The following GTPBP6 variants were observed in gnomAD, a reference collection of about 807,000 sequenced individuals.
GTPBP6 encodes the protein putative GTP-binding protein 6.
Under a neutral mutation model 28.9 loss-of-function variants are expected in GTPBP6, and 33 were observed. The ratio of observed to expected loss-of-function variants is 1.14; its 90% CI spans 0.87 to 1.53. GTPBP6 has a LOEUF of 1.53. Ranked by LOEUF, GTPBP6 falls within the 40% of genes most tolerant of loss-of-function variation. The probability of loss-of-function intolerance (pLI) is 0.00; values close to 1 mark genes in which losing one functional copy is unlikely to be tolerated. For missense variants in GTPBP6, 507 were observed against 408.3 expected (o/e 1.24, Z -2.08); for synonymous variants, 231 against 192.7 (o/e 1.20, Z -1.65).
intron 1 of GTPBP6, 121 bp downstream of exon 1, chrX:318,318 C>A: frequency 2.5e-6 from 1 of 396,974 alleles, no homozygotes; most frequent in Non-Finnish European, 4.4e-6. Context: ...GAATCTCCAC[C>A]TATGAGATCG....
chrX:314,107 C>T (rs1310972068), intron 5 of GTPBP6, 43 bp downstream of exon 5: 1 of 1,492,216 alleles, frequency 6.7e-7, no homozygotes, highest in South Asian at 1.1e-5. Context: ...CTGACAACCG[C>T]ATTCCGAGGA....
exon 10 of GTPBP6, chrX:305,144 C>G (rs1300289553): frequency 1.2e-6 from 2 of 1,613,566 alleles, no homozygotes; most frequent in Non-Finnish European, 1.7e-6. Flanking sequence ...GTCGGCCGCC[C>G]CGTCCTCAGG....
intron 2 of GTPBP6, among the ~76,000 whole-genome samples, chrX:316,340 G>GACACACACACACACACACACAC (rs1168593634): frequency 1.1e-5 from 1 of 94,810 alleles, no homozygotes; most frequent in African/African-American, 4.2e-5. Flanking sequence ...TCCCATTGGG[G>GACACACACACACACACACACAC]ACACACACAC....
intron 7 of GTPBP6, among the ~76,000 whole-genome samples, chrX:308,787 T>C (rs892018259): frequency 1.4e-5 from 2 of 143,736 alleles, no homozygotes; most frequent in Non-Finnish European, 3.0e-5. Flanking sequence ...CAGGCTGGAG[T>C]GCAGTGGCGC....
exon 10 of GTPBP6, chrX:305,182 C>T (rs780682244): frequency 1.2e-6 from 2 of 1,613,598 alleles, no homozygotes; most frequent in Non-Finnish European, 1.7e-6. Flanking sequence ...GAACTGTGGC[C>T]TCCTTATACA....
intron 7 of GTPBP6, among the ~76,000 whole-genome samples, chrX:309,457 T>C (rs1020415995): frequency 7.2e-5 from 10 of 139,640 alleles, no homozygotes; most frequent in African/African-American, 2.6e-4. Context: ...CCGACCGGTA[T>C]GTTTACGACA....
chrX:305,741 T>C (rs1200861637), intron 9 of GTPBP6, among the ~76,000 whole-genome samples: 11 of 134,412 alleles, frequency 8.2e-5, no homozygotes, highest in South Asian at 2.4e-4. Context: ...TCTCCGGCCT[T>C]AGCCTCCCGA....
rs370952393 is a variant in GTPBP6 at position 307,354 on chromosome X, G to A, written c.1427+6C>T. 2.5e-6 allele frequency: 4 copies of A among 1,611,122 alleles called. No homozygotes were observed. Among genetic ancestry groups the A allele is most frequent in the East Asian group, 4.5e-5 (2 of 44,866 alleles). On this transcript the variant is annotated splice_donor_region_variant and intron_variant, in intron 9 of 9. Coordinates refer to ENST00000326153, the Ensembl canonical transcript of GTPBP6. ...ATCCCGTCTCCTGCCCCTGCAGGCC[G>A]CTCACCTGAGCTGCGCCCCTGCGAG...
At chrX:316,582 CAGG>C (rs2070444780) in intron 2 of GTPBP6, among the ~76,000 whole-genome samples, 1 of 152,146 alleles carries the variant, frequency 6.6e-6, no homozygotes, top group African/African-American at 2.4e-5. Context: ...GGGGGTCACC[CAGG>C]AGGAGGATTT....
At chrX:311,528 A>C in exon 7 of GTPBP6, 1 of 1,612,214 alleles carries the variant, frequency 6.2e-7, no homozygotes, top group Non-Finnish European at 8.5e-7. Context: ...GCGTGAGGGC[A>C]GCGTGCCCGC....
At chrX:307,535 G>A (rs1569347069) in intron 8 of GTPBP6, 23 bp from the exon 9 acceptor site, 1 of 1,608,210 alleles carries the variant, frequency 6.2e-7, no homozygotes, top group East Asian at 2.2e-5. Flanking sequence ...GGATGTCACA[G>A]GCCCCGCTCA....
At chrX:306,873 G>GCA (rs113194536) in intron 9 of GTPBP6, among the ~76,000 whole-genome samples, 7,448 of 62,352 alleles carry the variant, frequency 0.12, 713 homozygotes, top group South Asian at 0.24. Context: ...CCTGTTGTAT[G>GCA]CAGTCAGAAA....
intron 7 of GTPBP6, among the ~76,000 whole-genome samples, chrX:309,798 TG>T (rs1338440122): frequency 7.2e-6 from 1 of 137,958 alleles, no homozygotes; most frequent in Non-Finnish European, 1.5e-5. Context: ...GTCCATGTAT[TG>T]ATCATCTGGA....
intron 7 of GTPBP6, among the ~76,000 whole-genome samples, 179 bp downstream of exon 7, chrX:311,240 T>A (rs28735494): frequency 7.4e-6 from 1 of 135,708 alleles, no homozygotes; most frequent in Non-Finnish European, 1.5e-5. Context: ...GAGTGCCTGG[T>A]CCCCGTGCCC....
rs181987526 is a variant in GTPBP6, at chrX:305,828, G to C, written c.1428-631C>G. Among the ~76,000 whole-genome samples the C allele has an allele frequency of 5.8e-3, 879 of 152,036 alleles. 2 individuals are homozygous for C. The highest frequency in any genetic ancestry group is 8.3e-3 in the Non-Finnish European group (567 of 67,992). ...TTTATTAGAGACGGGGTTTCACCGTGTTAGCCAGGCTGGTCTCGATCTCCT... is the reference window on the plus strand; with the variant it reads ...TTTATTAGAGACGGGGTTTCACCGTCTTAGCCAGGCTGGTCTCGATCTCCT... On this transcript the variant is annotated intron_variant, in intron 9 of 9. Coordinates refer to ENST00000326153, the Ensembl canonical transcript of GTPBP6.
intron 5 of GTPBP6, 79 bp from the exon 6 acceptor site, chrX:313,003 C>A: frequency 1.6e-6 from 2 of 1,288,802 alleles, no homozygotes; most frequent in Non-Finnish European, 1.1e-6. Flanking sequence ...GGAGGGTCTG[C>A]GGGGGCCCGG....
At chrX:305,094 G>A (rs770155654) in exon 10 of GTPBP6, 8 of 1,613,206 alleles carry the variant, frequency 5.0e-6, no homozygotes, top group Admixed American at 3.3e-5. Context: ...AAGAGCTTCC[G>A]GAATTTGCCG....
intron 9 of GTPBP6, among the ~76,000 whole-genome samples, chrX:305,616 C>T (rs1261084294): frequency 3.6e-5 from 5 of 137,920 alleles, no homozygotes; most frequent in Admixed American, 7.5e-5. Context: ...CCACTGCGCC[C>T]GGCTTTTTAT....
exon 8 of GTPBP6, chrX:307,809 C>T (rs371292652): frequency 2.6e-5 from 40 of 1,555,284 alleles, no homozygotes; most frequent in African/African-American, 9.6e-5. Flanking sequence ...GGCCACGCAG[C>T]GTGGACAGAA....
Sources: gnomAD v4.1 joint callset for allele counts (sites outside exome capture counted in the v4.1 genomes callset) on GRCh38, gnomAD v4.1.1 for gene constraint, MANE v1.5 for transcripts, NCBI Gene and HGNC (gene_info 2026-07-23, HGNC 2026-07-21) for gene names.